WBP1L: variants seen among roughly 807,000 people sequenced by gnomAD.
WBP1L encodes WW domain binding protein 1-like.
A neutral mutation model predicts 33.7 loss-of-function variants in WBP1L; 17 were observed. The ratio of observed to expected loss-of-function variants is 0.50; its 90% CI spans 0.34 to 0.76. The LOEUF (loss-of-function observed/expected upper bound fraction) is 0.76, where lower values mean the gene tolerates loss of function less well. WBP1L is among the 30% of genes least tolerant of loss of function. The pLI is 0.01. For synonymous variants in WBP1L, 173 were observed against 190.8 expected (o/e 0.91, Z 0.77); for missense variants, 389 against 469.4 (o/e 0.83, Z 1.58).
In WBP1L at chr10:102,765,328, A is replaced by G. The variant is rs556401971; in HGVS notation, c.90+21185A>G. 4.9e-3 allele frequency among the ~76,000 whole-genome samples: 741 copies of G among 152,064 alleles called. 9 individuals carry two copies. The highest frequency in any genetic ancestry group is 0.023 in the Admixed American group (358 of 15,264). On this transcript the variant is annotated intron_variant, in intron 1 of 3. Coordinates refer to ENST00000448841, the MANE Select transcript of WBP1L (RefSeq NM_001083913.2). Reference sequence around the variant, plus strand: ...CACTGCAGCCTCAACCTCCCTGGACACTCAGTTGATCCTCCTACCTCACCC... The same window carrying G: ...CACTGCAGCCTCAACCTCCCTGGACGCTCAGTTGATCCTCCTACCTCACCC...
At chr10:102,807,164 C>G (rs1430748969) in intron 2 of WBP1L, among the ~76,000 whole-genome samples, 2 of 152,076 alleles carry the variant, frequency 1.3e-5, no homozygotes, top group East Asian at 3.9e-4. Context: ...GAATAGAGAA[C>G]AAACAATATT....
chr10:102,796,246 A>AG (rs1267719466), intron 1 of WBP1L, among the ~76,000 whole-genome samples: 1 of 152,096 alleles, frequency 6.6e-6, no homozygotes, highest in Admixed American at 6.5e-5. Flanking sequence ...CAATGTTGTG[A>AG]GGGCCTCATT....
chr10:102,800,227 G>T (rs776184500), intron 2 of WBP1L, among the ~76,000 whole-genome samples: 3 of 152,186 alleles, frequency 2.0e-5, no homozygotes, highest in Non-Finnish European at 4.4e-5. Context: ...TTGAAGCTGG[G>T]CTGCCAAAAA....
At chr10:102,756,744 G>A (rs972156415) in intron 1 of WBP1L, among the ~76,000 whole-genome samples, 6 of 151,992 alleles carry the variant, frequency 3.9e-5, no homozygotes, top group African/African-American at 9.7e-5. Context: ...GTTGTTCTCC[G>A]GTATGGTTGT....
Position 102,785,344 on chromosome 10 carries a change from C to T in WBP1L, c.91-12649C>T, listed in dbSNP as rs186141658. ...TTGGGACTACAGGCGCCTGCCACCA[C>T]GCCCAGCTAATTTTTTGTATTTTTA... is the stretch of plus-strand genomic sequence containing the variant. On this transcript the variant is annotated intron_variant, in intron 1 of 3. Transcript: ENST00000448841. 4.2e-3 allele frequency among the ~76,000 whole-genome samples: 636 copies of T among 152,106 alleles called. 2 individuals carry two copies. The highest frequency in any genetic ancestry group is 8.6e-3 in the Admixed American group (131 of 15,276).
At chr10:102,753,133 C>T (rs552306595) in intron 1 of WBP1L, among the ~76,000 whole-genome samples, 9 of 152,190 alleles carry the variant, frequency 5.9e-5, no homozygotes, top group African/African-American at 2.2e-4. Flanking sequence ...CCACTGGGGC[C>T]GCTGATCCCA....
At position 102,813,588 on chromosome 10, in the gene WBP1L, A is replaced by C. The variant is rs1843882472; in HGVS notation, c.*257A>C. On this transcript the variant is annotated 3_prime_UTR_variant, in exon 4 of 4. Transcript: ENST00000448841. ...GACTCATTCCTCATACCCTAACTCC[A>C]TCTCCTTTCTTTAAAGTCAAATCTC... 2.0e-6 allele frequency: 1 copy of C among 506,240 alleles called. No individual in the cohort carries two copies. The highest frequency in any genetic ancestry group is 1.9e-5 in the African/African-American group (1 of 51,948). The allele number at this position is 506,240 out of a possible 1,614,324, so 31.4% of individuals were successfully genotyped here.
At chr10:102,773,760 G>A (rs775140910) in intron 1 of WBP1L, among the ~76,000 whole-genome samples, 1 of 151,942 alleles carries the variant, frequency 6.6e-6, no homozygotes, top group South Asian at 2.1e-4. Context: ...GTGTGGTGGC[G>A]TGGTGGCGTG....
At chr10:102,797,896 G>A in intron 1 of WBP1L, 97 bp from the exon 2 acceptor site, 1 of 1,106,330 alleles carries the variant, frequency 9.0e-7, no homozygotes, top group Non-Finnish European at 1.3e-6. Flanking sequence ...AAACTGTTTT[G>A]GGGGCTGGTG....
At chr10:102,800,570 C>T (rs536984564) in intron 2 of WBP1L, among the ~76,000 whole-genome samples, 2 of 152,330 alleles carry the variant, frequency 1.3e-5, no homozygotes, top group East Asian at 3.9e-4. Flanking sequence ...AGAGCAGTGT[C>T]TAGACGGAGA....
At chr10:102,796,870 C>T (rs190039843) in intron 1 of WBP1L, among the ~76,000 whole-genome samples, 8 of 152,298 alleles carry the variant, frequency 5.3e-5, no homozygotes, top group Admixed American at 6.5e-5. Context: ...CTGAGGTTAA[C>T]GTTGGTCTGG....
At position 102,810,564 on chromosome 10, in the gene WBP1L, CTTTTTTT is replaced by C. The variant is rs779749788; in HGVS notation, c.355+523_355+529del. Among the ~76,000 whole-genome samples the C allele has an allele frequency of 3.3e-4, 20 of 59,818 alleles. No individual in the cohort carries two copies. The South Asian group carries it at 7.6e-3, about 23-fold the overall frequency. 39.2% of individuals were successfully genotyped at this position (59,818 alleles called of 152,430 possible). A position where few individuals can be genotyped will look rare whatever the true frequency, so the allele number is the denominator to read the frequency against. On this transcript the variant is annotated intron_variant, in intron 3 of 3. Transcript: ENST00000448841. ...TCCCTCCCTCTCTCTCTCTCTATTT[CTTTTTTT>C]TTTTTTTTTTTTGAGATGGAGTTTC...
At chr10:102,751,544 G>A (rs745634663) in intron 1 of WBP1L, among the ~76,000 whole-genome samples, 14 of 152,172 alleles carry the variant, frequency 9.2e-5, no homozygotes, top group Non-Finnish European at 1.6e-4. Flanking sequence ...CTGGGCACAA[G>A]CGATCTGCTC....
At chr10:102,809,770 T>G (rs1843801459) in intron 2 of WBP1L, 123 bp from the exon 3 acceptor site, 1 of 1,082,620 alleles carries the variant, frequency 9.2e-7, no homozygotes, top group African/African-American at 1.6e-5. Context: ...ATTAACTGGG[T>G]GAGGCCCAGC....
chr10:102,748,590 T>A (rs1842892176), intron 1 of WBP1L, among the ~76,000 whole-genome samples: 1 of 152,214 alleles, frequency 6.6e-6, no homozygotes, highest in African/African-American at 2.4e-5. Flanking sequence ...TTCAGTGGAA[T>A]TCAGTAGGCA....
intron 2 of WBP1L, among the ~76,000 whole-genome samples, chr10:102,807,040 CAA>C (rs145569573): frequency 0.012 from 1,842 of 151,946 alleles, 34 homozygotes; most frequent in African/African-American, 0.041. Flanking sequence ...CTCATTCTGA[CAA>C]GAGATACATG....
At chr10:102,744,482 C>T in intron 1 of WBP1L, 4 of 985,126 alleles carry the variant, frequency 4.1e-6, no homozygotes, top group Non-Finnish European at 3.6e-6. Flanking sequence ...GTGTCCCAGG[C>T]AGTAATGCAG....
At chr10:102,766,596 T>C (rs1478558219) in intron 1 of WBP1L, among the ~76,000 whole-genome samples, 2 of 151,856 alleles carry the variant, frequency 1.3e-5, no homozygotes, top group African/African-American at 4.8e-5. Context: ...GCAGTCCAGC[T>C]TGGGTGACAG....
chr10:102,776,460 G>T, intron 1 of WBP1L: 5 of 1,613,410 alleles, frequency 3.1e-6, no homozygotes, highest in Non-Finnish European at 4.2e-6. Flanking sequence ...GGAAGAAGGG[G>T]TGGGAGCTTG....
Sources: allele counts gnomAD v4.1 joint callset (sites outside exome capture counted in the v4.1 genomes callset), GRCh38; gene constraint gnomAD v4.1.1; transcripts MANE v1.5; gene names NCBI Gene and HGNC (gene_info 2026-07-23, HGNC 2026-07-21).